Variants in NTM observed in about 807,000 individuals in gnomAD.
NTM encodes neurotrimin.
NTM carries 13 observed loss-of-function variants against 42.1 expected under a neutral mutation model. That is an observed-to-expected ratio of 0.31 (90% confidence interval 0.20 to 0.49). The LOEUF is 0.49. Among genes scored for constraint, NTM ranks in the 20% least tolerant of loss-of-function variants. NTM has a pLI of 0.99. For missense variants in NTM, 373 were observed against 452.8 expected, an observed-to-expected ratio of 0.82 and a Z score of 1.60; for synonymous variants, 187 against 179.2, an observed-to-expected ratio of 1.04 and a Z score of -0.35.
intron 1 of NTM, among the ~76,000 whole-genome samples, chr11:131,495,283 C>G (rs1955219822): frequency 6.6e-6 from 1 of 152,190 alleles, no homozygotes; most frequent in Admixed American, 6.5e-5. Context: ...GTCCTCTCTC[C>G]CACACTCCCC....
At chr11:131,574,780 C>A (rs2137120032) in intron 1 of NTM, among the ~76,000 whole-genome samples, 1 of 152,168 alleles carries the variant, frequency 6.6e-6, no homozygotes, top group East Asian at 1.9e-4. Context: ...ACTTGTCTCC[C>A]CAGGCTTTGA....
At chr11:131,537,755 C>A in intron 1 of NTM, 1 of 152,554 alleles carries the variant, frequency 6.6e-6, no homozygotes, top group Admixed American at 6.5e-5. Flanking sequence ...TCTCCCGGCA[C>A]TGCCCTCCCA....
At chr11:131,762,316 G>A (rs2084340758) in intron 1 of NTM, among the ~76,000 whole-genome samples, 1 of 152,198 alleles carries the variant, frequency 6.6e-6, no homozygotes, top group Non-Finnish European at 1.5e-5. Context: ...TGCTTATTTG[G>A]AGAAGGACCC....
At chr11:131,575,444 C>A (rs1467764505) in intron 1 of NTM, among the ~76,000 whole-genome samples, 1 of 152,124 alleles carries the variant, frequency 6.6e-6, no homozygotes, top group Non-Finnish European at 1.5e-5. Context: ...CAGTACACAA[C>A]ATATAGAGAT....
intron 3 of NTM, among the ~76,000 whole-genome samples, chr11:132,148,290 A>G (rs7941290): frequency 0.03 from 4,621 of 152,228 alleles, 238 homozygotes; most frequent in African/African-American, 0.1. Flanking sequence ...GTTTGTGTAC[A>G]TTTTTTAATG....
At chr11:131,477,040 A>C (rs1162679424) in intron 1 of NTM, among the ~76,000 whole-genome samples, 1 of 152,086 alleles carries the variant, frequency 6.6e-6, no homozygotes, top group African/African-American at 2.4e-5. Flanking sequence ...CTCGATAGGC[A>C]TGTCTTAGGC....
chr11:131,881,477 T>TACACACACACAC (rs34722610), intron 1 of NTM, among the ~76,000 whole-genome samples: 18 of 104,642 alleles, frequency 1.7e-4, no homozygotes, highest in Admixed American at 6.0e-4. Flanking sequence ...AGCTCTCAGT[T>TACACACACACAC]ACACACACAC....
intron 2 of NTM, among the ~76,000 whole-genome samples, chr11:132,140,093 A>C (rs945442284): frequency 2.6e-5 from 4 of 152,210 alleles, no homozygotes; most frequent in African/African-American, 9.6e-5. Flanking sequence ...GCAAGAAGAG[A>C]GGTTATTTCT....
At chr11:131,563,579 C>CTTTTTTTTTTT (rs71911433) in intron 1 of NTM, among the ~76,000 whole-genome samples, 11 of 88,770 alleles carry the variant, frequency 1.2e-4, no homozygotes, top group African/African-American at 5.0e-4. Flanking sequence ...GCTCCAGACA[C>CTTTTTTTTTTT]TTTTTTTTTT....
chr11:132,087,702 A>G, intron 2 of NTM, among the ~76,000 whole-genome samples: 1 of 152,188 alleles, frequency 6.6e-6, no homozygotes, highest in South Asian at 2.1e-4. Flanking sequence ...CCTCTCACAT[A>G]AAAGTTAACT....
At chr11:132,093,865 A>T (rs1350019173) in intron 2 of NTM, among the ~76,000 whole-genome samples, 1 of 152,222 alleles carries the variant, frequency 6.6e-6, no homozygotes, top group Non-Finnish European at 1.5e-5. Context: ...TTGTTAAAAG[A>T]AAAACTTTAG....
intron 1 of NTM, among the ~76,000 whole-genome samples, chr11:131,590,269 A>G (rs1016281686): frequency 3.3e-5 from 5 of 152,138 alleles, no homozygotes; most frequent in East Asian, 1.9e-4. Context: ...TCATCATTCA[A>G]TTCCCATGGT....
chr11:131,517,131 A>G (rs1356177085), intron 1 of NTM, among the ~76,000 whole-genome samples: 4 of 152,182 alleles, frequency 2.6e-5, no homozygotes, highest in Non-Finnish European at 5.9e-5. Context: ...CTGACTTCTC[A>G]TTGCCTATGC....
At chr11:131,741,193 G>A in intron 1 of NTM, among the ~76,000 whole-genome samples, 1 of 126,268 alleles carries the variant, frequency 7.9e-6, no homozygotes, top group Non-Finnish European at 1.8e-5. Context: ...GAGAGAGAGA[G>A]AGAGAGAGAG....
chr11:131,482,436 G>A (rs761896992), intron 1 of NTM, among the ~76,000 whole-genome samples: 6 of 152,144 alleles, frequency 3.9e-5, no homozygotes, highest in Non-Finnish European at 8.8e-5. Context: ...TCAACAGATC[G>A]ACAAAAGCGT....
At chr11:132,027,608 A>C (rs1255340643) in intron 2 of NTM, among the ~76,000 whole-genome samples, 1 of 152,174 alleles carries the variant, frequency 6.6e-6, no homozygotes, top group Admixed American at 6.5e-5. Context: ...GAGAAGTCCA[A>C]TGTAATTCTT....
At chr11:131,507,495 C>T (rs1376246415) in intron 1 of NTM, among the ~76,000 whole-genome samples, 1 of 152,134 alleles carries the variant, frequency 6.6e-6, no homozygotes, top group Non-Finnish European at 1.5e-5. Context: ...TAGCGTGATG[C>T]CGCCAGCTTT....
At chr11:131,818,420 C>A (rs1323009965) in intron 1 of NTM, among the ~76,000 whole-genome samples, 1 of 152,036 alleles carries the variant, frequency 6.6e-6, no homozygotes, top group Non-Finnish European at 1.5e-5. Context: ...GGACTATATC[C>A]CTCTTGGCTC....
chr11:132,146,822 T>TTTTAG lies in NTM; in HGVS notation c.400+311_400+312insAGTTT, dbSNP rs1566296236. 1 of 377,888 alleles carries TTTTAG rather than the reference T, an allele frequency of 2.6e-6. No homozygotes were observed. Among genetic ancestry groups the TTTTAG allele is most frequent in the Non-Finnish European group, 4.7e-6 (1 of 211,598 alleles). The allele number at this position is 377,888 out of a possible 1,614,324, so 23.4% of individuals were successfully genotyped here. ...GTTTTAGTTATTTTTGTTTGTTTGT[T>TTTTAG]TTTTGTTTTGTTTTGTTTTGTTTTT... is the stretch of plus-strand genomic sequence containing the variant. On this transcript the variant is annotated intron_variant, in intron 3 of 8. Transcript: ENST00000683400. The surrounding 1 kb of genome is among the most constrained non-coding windows in gnomAD (Gnocchi z 4.5).
Sources: gnomAD v4.1 joint callset for allele counts (sites outside exome capture counted in the v4.1 genomes callset) on GRCh38, gnomAD v4.1.1 for gene constraint, Gnocchi (gnomAD v3.1) non-coding constraint, MANE v1.5 for transcripts, NCBI Gene and HGNC (gene_info 2026-07-23, HGNC 2026-07-21) for gene names.